C8orf34: variants seen among roughly 807,000 people sequenced by gnomAD.
C8orf34 encodes the protein chromosome 8 open reading frame 34.
A neutral mutation model predicts 68.3 loss-of-function variants in C8orf34; 65 were observed. That is an observed-to-expected ratio of 0.95 (90% confidence interval 0.78 to 1.17). The LOEUF is 1.17. Ranked by LOEUF, C8orf34 falls within the 50% of genes most tolerant of loss-of-function variation. The pLI, the probability that C8orf34 is intolerant of heterozygous loss-of-function variation, is 0.00. For missense variants in C8orf34, 664 were observed against 655.4 expected, an observed-to-expected ratio of 1.01 and a Z score of -0.14; for synonymous variants, 244 against 241.2, an observed-to-expected ratio of 1.01 and a Z score of -0.11.
chr8:68,499,811 A>C (rs1436526487), intron 5 of C8orf34, among the ~76,000 whole-genome samples: 1 of 152,134 alleles, frequency 6.6e-6, no homozygotes, highest in Non-Finnish European at 1.5e-5. Flanking sequence ...AAGAATATTG[A>C]TATAGGATGT....
chr8:68,485,543 C>A (rs1813037315), intron 4 of C8orf34, among the ~76,000 whole-genome samples: 1 of 151,732 alleles, frequency 6.6e-6, no homozygotes, highest in Non-Finnish European at 1.5e-5. Context: ...GAAACCCCGT[C>A]TCTACTAAAA....
chr8:68,462,767 G>A (rs1811904621), intron 3 of C8orf34, among the ~76,000 whole-genome samples: 1 of 151,948 alleles, frequency 6.6e-6, no homozygotes, highest in African/African-American at 2.4e-5. Flanking sequence ...CAACATACCA[G>A]AATCTCTGGG....
At chr8:68,575,385 G>A (rs1816871885) in intron 7 of C8orf34, among the ~76,000 whole-genome samples, 1 of 151,844 alleles carries the variant, frequency 6.6e-6, no homozygotes, top group African/African-American at 2.4e-5. Flanking sequence ...GCAACATTTA[G>A]CTCTATAAAC....
chr8:68,428,360 A>G (rs191095128), intron 1 of C8orf34, among the ~76,000 whole-genome samples: 10 of 152,234 alleles, frequency 6.6e-5, no homozygotes, highest in Admixed American at 6.5e-4. Context: ...AATATTTTGC[A>G]GAGTTTAAAA....
intron 7 of C8orf34, among the ~76,000 whole-genome samples, chr8:68,637,356 G>A (rs1361772965): frequency 6.6e-6 from 1 of 152,082 alleles, no homozygotes; most frequent in Non-Finnish European, 1.5e-5. Flanking sequence ...ATATTAAAGG[G>A]AGGCCTCATT....
chr8:68,444,732 G>C (rs892412883), intron 2 of C8orf34, among the ~76,000 whole-genome samples: 4 of 152,060 alleles, frequency 2.6e-5, no homozygotes, highest in Non-Finnish European at 5.9e-5. Flanking sequence ...CAATGAACTG[G>C]ATAAAAATAT....
intron 7 of C8orf34, among the ~76,000 whole-genome samples, chr8:68,570,501 C>T (rs986563277): frequency 1.3e-5 from 2 of 152,188 alleles, no homozygotes; most frequent in African/African-American, 4.8e-5. Flanking sequence ...AAACCAATCT[C>T]ATTGTGAGTA....
At chr8:68,379,602 C>A (rs1007775395) in intron 1 of C8orf34, among the ~76,000 whole-genome samples, 1 of 152,162 alleles carries the variant, frequency 6.6e-6, no homozygotes, top group Non-Finnish European at 1.5e-5. Context: ...CCTTTCATTG[C>A]TTCCATGGCT....
chr8:68,655,664 G>A lies in C8orf34; in HGVS notation c.1241+15153G>A, dbSNP rs373695896. The stretch of plus-strand genomic sequence containing the variant: ...AAGATAGGTGAGTCTAAGCTTGTTC[G>A]AGCAGTTAGGTGTATTAAATGCATT... On this transcript the variant is annotated intron_variant, in intron 8 of 13. Transcript: ENST00000518698. Among the ~76,000 whole-genome samples, 12 of 152,244 alleles carry A rather than the reference G, an allele frequency of 7.9e-5. No homozygotes were observed. The South Asian group carries it at 2.3e-3, about 29-fold the overall frequency.
In C8orf34 at chr8:68,640,364, G is replaced by A. The variant is rs367719375; in HGVS notation, c.1106-12G>A. On this transcript the variant is annotated splice_polypyrimidine_tract_variant and intron_variant, in intron 7 of 13. Coordinates refer to ENST00000518698, the MANE Select transcript of C8orf34 (RefSeq NM_052958.4). The stretch of plus-strand genomic sequence containing the variant: ...TTAATTTTTTTCTCTGTAATTGTTT[G>A]TGTTGTTACAGAGGATCTTAATGAT... The A allele has an allele frequency of 4.4e-6, 7 of 1,608,422 alleles. No individual in the cohort carries two copies. The African/African-American group carries it at 6.7e-5, about 15-fold the overall frequency.
chr8:68,519,673 C>T (rs1814665369), intron 5 of C8orf34, among the ~76,000 whole-genome samples: 2 of 151,288 alleles, frequency 1.3e-5, no homozygotes, highest in South Asian at 4.2e-4. Context: ...AATATTAGTC[C>T]TGAGGGTTTG....
intron 10 of C8orf34, among the ~76,000 whole-genome samples, chr8:68,765,632 T>C (rs1422259987): frequency 2.0e-5 from 3 of 152,216 alleles, no homozygotes; most frequent in African/African-American, 7.2e-5. Flanking sequence ...GTTATGCTTC[T>C]ACACATTTAC....
intron 13 of C8orf34, among the ~76,000 whole-genome samples, chr8:68,817,242 A>G (rs1824847267): frequency 6.6e-6 from 1 of 152,198 alleles, no homozygotes. Context: ...AAGCATGAGG[A>G]TAAGTATGCA....
chr8:68,715,179 GATA>G (rs1821435217), intron 9 of C8orf34, among the ~76,000 whole-genome samples: 3 of 152,172 alleles, frequency 2.0e-5, no homozygotes, highest in African/African-American at 7.2e-5. Flanking sequence ...AGTTCTAGAA[GATA>G]ATGTCAGAAA....
intron 7 of C8orf34, among the ~76,000 whole-genome samples, chr8:68,575,248 T>C (rs1816868136): frequency 6.6e-6 from 1 of 152,130 alleles, no homozygotes; most frequent in Admixed American, 6.6e-5. Context: ...TGAATTATAT[T>C]AAAACGCCAA....
At chr8:68,648,993 A>G (rs1224645183) in intron 8 of C8orf34, among the ~76,000 whole-genome samples, 2 of 152,124 alleles carry the variant, frequency 1.3e-5, no homozygotes, top group African/African-American at 4.8e-5. Flanking sequence ...ATAACCATAC[A>G]TTGTATTTGG....
intron 12 of C8orf34, chr8:68,790,909 A>G (rs1303767002): frequency 1.4e-6 from 1 of 698,398 alleles, no homozygotes; most frequent in Non-Finnish European, 2.6e-6. Context: ...GAGAACTAGA[A>G]GAAAAATTTC....
chr8:68,376,165 G>A (rs72664915), intron 1 of C8orf34, among the ~76,000 whole-genome samples: 11,317 of 116,862 alleles, frequency 0.097, 721 homozygotes, highest in African/African-American at 0.25. Flanking sequence ...TAATCATATG[G>A]CCTGTCAGAA....
intron 8 of C8orf34, among the ~76,000 whole-genome samples, chr8:68,689,249 G>A (rs190458485): frequency 4.6e-5 from 7 of 152,080 alleles, no homozygotes; most frequent in African/African-American, 1.7e-4. Context: ...GATGGAGGGG[G>A]AGTGTTGGGG....
Sources: gnomAD v4.1 joint callset for allele counts (sites outside exome capture counted in the v4.1 genomes callset) on GRCh38, gnomAD v4.1.1 for gene constraint, MANE v1.5 for transcripts, NCBI Gene and HGNC (gene_info 2026-07-23, HGNC 2026-07-21) for gene names.